Variants in FHIT observed in about 807,000 individuals in gnomAD.
FHIT encodes the protein fragile histidine triad diadenosine triphosphatase.
A neutral mutation model predicts 17.9 loss-of-function variants in FHIT; 19 were observed. That is an observed-to-expected ratio of 1.06 (90% CI 0.74 to 1.56). The LOEUF (loss-of-function observed/expected upper bound fraction) is 1.56. Among genes scored for constraint, FHIT ranks in the 40% most tolerant of loss-of-function variants. The pLI is 0.00. For synonymous variants in FHIT, 81 were observed against 69.7 expected, an observed-to-expected ratio of 1.16 and a Z score of -0.81; for missense variants, 248 against 189.2, an observed-to-expected ratio of 1.31 and a Z score of -1.82.
At chr3:61,060,369 T>G (rs1046111001) in intron 2 of FHIT, among the ~76,000 whole-genome samples, 6 of 152,198 alleles carry the variant, frequency 3.9e-5, no homozygotes, top group Non-Finnish European at 8.8e-5. Context: ...AAGGACTTAC[T>G]GTACTTTACT....
At chr3:60,738,765 T>C (rs562357761) in intron 4 of FHIT, among the ~76,000 whole-genome samples, 66 of 152,178 alleles carry the variant, frequency 4.3e-4, no homozygotes, top group Non-Finnish European at 8.7e-4. Context: ...TCCCCAGTGA[T>C]ACAGACAGAA....
At chr3:59,973,407 C>T (rs1007184517) in intron 7 of FHIT, among the ~76,000 whole-genome samples, 4 of 152,074 alleles carry the variant, frequency 2.6e-5, no homozygotes, top group Non-Finnish European at 4.4e-5. Flanking sequence ...CCACACCAAC[C>T]TCTCTCTTCT....
chr3:60,514,452 C>T (rs988947389), intron 5 of FHIT, among the ~76,000 whole-genome samples: 13 of 152,116 alleles, frequency 8.5e-5, no homozygotes, highest in East Asian at 7.7e-4. Flanking sequence ...TTCCTGCCAG[C>T]GAAGTGGTCA....
chr3:61,059,252 G>A (rs953130174), intron 2 of FHIT, among the ~76,000 whole-genome samples: 1 of 151,978 alleles, frequency 6.6e-6, no homozygotes, highest in African/African-American at 2.4e-5. Flanking sequence ...GTATCCCATC[G>A]ACCACAGCTA....
At chr3:60,398,561 T>A (rs1403924551) in intron 5 of FHIT, among the ~76,000 whole-genome samples, 3 of 152,158 alleles carry the variant, frequency 2.0e-5, no homozygotes, top group African/African-American at 7.2e-5. Flanking sequence ...ACACCCACCC[T>A]CCACAATCAG....
chr3:60,074,680 G>A (rs1702928535), intron 5 of FHIT, among the ~76,000 whole-genome samples: 2 of 151,466 alleles, frequency 1.3e-5, no homozygotes, highest in Admixed American at 1.3e-4. Context: ...AAAACAACAT[G>A]CACTTTAAAA....
chr3:60,214,500 C>G (rs1703606598), intron 5 of FHIT, among the ~76,000 whole-genome samples: 1 of 152,128 alleles, frequency 6.6e-6, no homozygotes, highest in Non-Finnish European at 1.5e-5. Context: ...ACTGTCAAAA[C>G]CTCTAAAAGC....
intron 7 of FHIT, among the ~76,000 whole-genome samples, chr3:59,957,906 G>C (rs1304338765): frequency 6.6e-6 from 1 of 152,144 alleles, no homozygotes; most frequent in African/African-American, 2.4e-5. Flanking sequence ...AGCAAAACTA[G>C]AAATGAGAAT....
At chr3:59,870,627 C>T (rs2106900363) in intron 8 of FHIT, among the ~76,000 whole-genome samples, 1 of 152,278 alleles carries the variant, frequency 6.6e-6, no homozygotes, top group South Asian at 2.1e-4. Context: ...GAAGAACCTG[C>T]AAGGTGCAAA....
intron 3 of FHIT, among the ~76,000 whole-genome samples, chr3:60,880,810 A>T (rs564853996): frequency 6.6e-6 from 1 of 152,208 alleles, no homozygotes; most frequent in African/African-American, 2.4e-5. Flanking sequence ...AAAAGAAGCA[A>T]AACTTATCAC....
intron 4 of FHIT, among the ~76,000 whole-genome samples, chr3:60,799,204 C>T (rs532250140): frequency 6.6e-6 from 1 of 151,532 alleles, no homozygotes; most frequent in East Asian, 2.0e-4. Flanking sequence ...GACAGAGTTT[C>T]GCTCTTGTTG....
rs550319446 is a variant in FHIT at position 60,783,871 on chromosome 3, C to T, written c.-18+38048G>A. Among the ~76,000 whole-genome samples, 5 of 152,256 alleles carry T rather than the reference C, an allele frequency of 3.3e-5. No individual in the cohort carries two copies. In the South Asian group the frequency reaches 1.0e-3, roughly 32 times the overall value. ...AGAAGACTAGGTTCTAATCCCAATG[C>T]CCCTTTCTCCCGGATATTTAATCAT... On this transcript the variant is annotated intron_variant, in intron 4 of 9. Coordinates refer to ENST00000492590, the MANE Select transcript of FHIT (RefSeq NM_002012.4).
chr3:60,567,601 C>G (rs1309767216), intron 4 of FHIT, among the ~76,000 whole-genome samples: 2 of 152,154 alleles, frequency 1.3e-5, no homozygotes, highest in Non-Finnish European at 2.9e-5. Context: ...CCAAAATTGA[C>G]AAATGGGATC....
At chr3:60,023,690 T>G (rs377141740) in intron 5 of FHIT, among the ~76,000 whole-genome samples, 8 of 151,994 alleles carry the variant, frequency 5.3e-5, no homozygotes, top group Non-Finnish European at 8.8e-5. Context: ...AGATTAAAGG[T>G]AGGGGTGGTA....
intron 4 of FHIT, among the ~76,000 whole-genome samples, chr3:60,621,898 G>C (rs1332327110): frequency 6.6e-6 from 1 of 151,662 alleles, no homozygotes; most frequent in South Asian, 2.1e-4. Context: ...ACAATTACAT[G>C]GTCTGACAGT....
chr3:60,483,210 C>G (rs1332228400), intron 5 of FHIT, among the ~76,000 whole-genome samples: 2 of 152,034 alleles, frequency 1.3e-5, no homozygotes, highest in African/African-American at 4.8e-5. Context: ...CAAAAAAAGC[C>G]CAAGGCCACA....
chr3:61,032,822 G>A (rs150928334), intron 3 of FHIT, among the ~76,000 whole-genome samples: 187 of 152,316 alleles, frequency 1.2e-3, no homozygotes, highest in African/African-American at 4.1e-3. Context: ...CATTATGGAG[G>A]CTGAGAAGAC....
chr3:59,958,416 G>T (rs933041061), intron 7 of FHIT, among the ~76,000 whole-genome samples: 15 of 152,136 alleles, frequency 9.9e-5, no homozygotes, highest in African/African-American at 3.6e-4. Flanking sequence ...AAATGGCATA[G>T]GCTACGGCAG....
chr3:59,814,021 C>A (rs1456425267), intron 8 of FHIT, among the ~76,000 whole-genome samples: 1 of 142,850 alleles, frequency 7.0e-6, no homozygotes, highest in Admixed American at 7.1e-5. Context: ...ATCCGACTGC[C>A]CTCTATGTAA....
Sources: gnomAD v4.1 joint callset for allele counts (sites outside exome capture counted in the v4.1 genomes callset) on GRCh38, gnomAD v4.1.1 for gene constraint, MANE v1.5 for transcripts, NCBI Gene and HGNC (gene_info 2026-07-23, HGNC 2026-07-21) for gene names.